Variants in DLG2 observed in about 807,000 individuals in gnomAD.
DLG2 encodes discs large MAGUK scaffold protein 2, also known as disks large homolog 2.
In DLG2, 45 loss-of-function variants were observed where a neutral mutation model predicts 132.5. That is an observed-to-expected ratio of 0.34 (90% CI 0.27 to 0.44). The LOEUF is 0.44. Among genes scored for constraint, DLG2 ranks in the 20% least tolerant of loss-of-function variants. The pLI is 1.00. For missense variants in DLG2, 1,045 were observed against 1,196.9 expected (o/e 0.87, Z 1.87); for synonymous variants, 424 against 419.6 (o/e 1.01, Z -0.13).
intron 12 of DLG2, among the ~76,000 whole-genome samples, chr11:83,973,835 A>G (rs995697064): frequency 2.6e-5 from 4 of 152,108 alleles, no homozygotes; most frequent in Non-Finnish European, 5.9e-5. Flanking sequence ...AACCAAAATC[A>G]AGAATCAGAG....
At chr11:83,684,878 G>A (rs900749810) in intron 18 of DLG2, among the ~76,000 whole-genome samples, 3 of 151,900 alleles carry the variant, frequency 2.0e-5, no homozygotes, top group Non-Finnish European at 2.9e-5. Context: ...GCATTTCTCT[G>A]TTCCCCTGTC....
chr11:85,498,878 G>A (rs963870636), intron 3 of DLG2, among the ~76,000 whole-genome samples: 2 of 152,090 alleles, frequency 1.3e-5, no homozygotes, highest in African/African-American at 2.4e-5. Flanking sequence ...AATAAAGATG[G>A]TCTTTGAAAC....
intron 8 of DLG2, among the ~76,000 whole-genome samples, chr11:84,242,022 C>T (rs2097235164): frequency 6.6e-6 from 1 of 152,152 alleles, no homozygotes; most frequent in Non-Finnish European, 1.5e-5. Context: ...TTATTTCCCC[C>T]TTGTTCTTAA....
intron 8 of DLG2, among the ~76,000 whole-genome samples, chr11:84,166,500 CAAAAAA>C (rs398016937): frequency 6.2e-5 from 5 of 81,042 alleles, no homozygotes; most frequent in African/African-American, 2.4e-4. Context: ...GACTCTGCTT[CAAAAAA>C]AAAAAAAAAA....
chr11:85,593,725 G>C (rs1177601921), intron 3 of DLG2, among the ~76,000 whole-genome samples: 1 of 151,964 alleles, frequency 6.6e-6, no homozygotes, highest in East Asian at 1.9e-4. Flanking sequence ...GACCAAAATA[G>C]CCGTGATATA....
chr11:85,403,107 A>G (rs915485246), intron 3 of DLG2, among the ~76,000 whole-genome samples: 1 of 152,094 alleles, frequency 6.6e-6, no homozygotes, highest in Admixed American at 6.6e-5. Flanking sequence ...GTCCATCAAC[A>G]ATAGACTGGA....
intron 2 of DLG2, among the ~76,000 whole-genome samples, chr11:85,610,904 A>T (rs571423799): frequency 1.3e-5 from 2 of 152,278 alleles, no homozygotes; most frequent in Non-Finnish European, 2.9e-5. Context: ...GGATCCCCGG[A>T]TACAGCGAGA....
At chr11:85,510,852 C>T (rs1201573555) in intron 3 of DLG2, among the ~76,000 whole-genome samples, 1 of 152,124 alleles carries the variant, frequency 6.6e-6, no homozygotes, top group South Asian at 2.1e-4. Flanking sequence ...TACCATTTGA[C>T]CCAGCCATCC....
At chr11:83,463,794 A>G (rs1361800782) in intron 26 of DLG2, among the ~76,000 whole-genome samples, 1 of 152,214 alleles carries the variant, frequency 6.6e-6, no homozygotes, top group African/African-American at 2.4e-5. Flanking sequence ...CCCTGTCTCA[A>G]AGAAAGAAAT....
In DLG2 at chr11:84,728,291, T is replaced by C. The variant is rs556040921; in HGVS notation, c.358-193560A>G. On this transcript the variant is annotated intron_variant, in intron 6 of 27. Transcript: ENST00000376104. Reference sequence around the variant, plus strand: ...TGATACCTAGTTTATTGAGAGTTTTTAGCATGAAGGGGTGTTGAATTTTGT... The same window carrying C: ...TGATACCTAGTTTATTGAGAGTTTTCAGCATGAAGGGGTGTTGAATTTTGT... Among the ~76,000 whole-genome samples, 3 of 152,338 alleles carry C rather than the reference T, an allele frequency of 2.0e-5. No homozygotes were observed. The East Asian group carries it at 5.8e-4, about 29-fold the overall frequency.
intron 3 of DLG2, among the ~76,000 whole-genome samples, chr11:85,319,791 A>T (rs376091275): frequency 6.6e-6 from 1 of 152,008 alleles, no homozygotes; most frequent in Admixed American, 6.6e-5. Flanking sequence ...TTAAGGAGAT[A>T]TAAGTCTTAA....
rs1598156284 is a variant in DLG2, at chr11:85,514,166, C to T, written c.40+84491G>A. Among the ~76,000 whole-genome samples the T allele has an allele frequency of 2.0e-5, 3 of 151,906 alleles. No individual in the cohort carries two copies. In the East Asian group the frequency reaches 5.8e-4, roughly 29 times the overall value. On this transcript the variant is annotated intron_variant, in intron 3 of 27. Transcript: ENST00000376104. ...TCATTTCCTGTGTGTGTTTGTTAGG[C>T]ACTGTGCCAGATGCATTATAAACAC...
chr11:84,831,588 A>C (rs1362592914), intron 6 of DLG2, among the ~76,000 whole-genome samples: 2 of 151,502 alleles, frequency 1.3e-5, no homozygotes, highest in African/African-American at 4.8e-5. Context: ...TAAAGGAATA[A>C]AAAGAAGGCA....
chr11:84,655,365 G>A (rs2099686933), intron 6 of DLG2, among the ~76,000 whole-genome samples: 1 of 152,138 alleles, frequency 6.6e-6, no homozygotes, highest in Non-Finnish European at 1.5e-5. Context: ...ATGTTGAGCA[G>A]CCTGCTTGGG....
chr11:84,650,871 G>C (rs12288982), intron 6 of DLG2, among the ~76,000 whole-genome samples: 2 of 124,650 alleles, frequency 1.6e-5, no homozygotes, highest in Non-Finnish European at 3.2e-5. Context: ...GTGTGTGTGT[G>C]TGTATATATA....
At chr11:84,857,041 T>A (rs1290184936) in intron 6 of DLG2, among the ~76,000 whole-genome samples, 1 of 150,642 alleles carries the variant, frequency 6.6e-6, no homozygotes, top group East Asian at 2.0e-4. Flanking sequence ...TAAGAAGAAG[T>A]TTGGCATCTT....
At chr11:85,457,602 TC>T (rs757651875) in intron 3 of DLG2, among the ~76,000 whole-genome samples, 14 of 152,326 alleles carry the variant, frequency 9.2e-5, no homozygotes, top group Non-Finnish European at 1.8e-4. Context: ...TATTTAGCAC[TC>T]CTTTCAGGAC....
At chr11:85,165,123 C>G (rs542042310) in intron 4 of DLG2, among the ~76,000 whole-genome samples, 1 of 152,074 alleles carries the variant, frequency 6.6e-6, no homozygotes, top group African/African-American at 2.4e-5. Flanking sequence ...GACACATTTA[C>G]GAAGAGATAG....
rs182139948 is a variant in DLG2, at chr11:84,159,361, A to C, written c.624+4100T>G. ...GAATGATGGAAATGCTACTAATTTA[A>C]TTACAGTGAACAGGGAAGATTTTTC... On this transcript the variant is annotated intron_variant, in intron 9 of 27. Transcript: ENST00000376104. 2.6e-5 allele frequency among the ~76,000 whole-genome samples: 4 copies of C among 152,348 alleles called. No homozygotes were observed. In the East Asian group the frequency reaches 7.7e-4, roughly 29 times the overall value.
Sources: allele counts gnomAD v4.1 joint callset (sites outside exome capture counted in the v4.1 genomes callset), GRCh38; gene constraint gnomAD v4.1.1; transcripts MANE v1.5; gene names NCBI Gene and HGNC (gene_info 2026-07-23, HGNC 2026-07-21).